ADIPOR2: variants seen among roughly 807,000 people sequenced by gnomAD.
The protein encoded by ADIPOR2 is adiponectin receptor 2.
A neutral mutation model predicts 40.9 loss-of-function variants in ADIPOR2; 18 were observed. The observed-to-expected ratio is 0.44, with a 90% CI of 0.30 to 0.65. The LOEUF is 0.65. ADIPOR2 is among the 30% of genes least tolerant of loss of function. The probability of loss-of-function intolerance (pLI) is 0.09; values close to 1 mark genes in which losing one functional copy is unlikely to be tolerated. For synonymous variants in ADIPOR2, 165 were observed against 166.4 expected, an observed-to-expected ratio of 0.99 and a Z score of 0.06; for missense variants, 283 against 479.2, an observed-to-expected ratio of 0.59 and a Z score of 3.82.
chr12:1,718,050 G>A (rs2094691094), intron 1 of ADIPOR2, among the ~76,000 whole-genome samples: 2 of 151,770 alleles, frequency 1.3e-5, no homozygotes, highest in South Asian at 2.1e-4. Flanking sequence ...TTCATTTACC[G>A]TAATAGCATC....
chr12:1,777,191 G>A (rs74471463), intron 3 of ADIPOR2, among the ~76,000 whole-genome samples: 2 of 129,272 alleles, frequency 1.5e-5, no homozygotes. Flanking sequence ...ACACCACAGG[G>A]ATTTATCAGA....
chr12:1,766,996 G>A (rs1862393360), intron 2 of ADIPOR2, among the ~76,000 whole-genome samples: 3 of 152,214 alleles, frequency 2.0e-5, no homozygotes. Flanking sequence ...GAGGCCGGGT[G>A]TGGTGGCTCA....
chr12:1,769,507 GATAA>G (rs1167309200), intron 2 of ADIPOR2, among the ~76,000 whole-genome samples: 1 of 152,198 alleles, frequency 6.6e-6, no homozygotes, highest in Non-Finnish European at 1.5e-5. Context: ...CATAGTACTT[GATAA>G]ATCAACAGAT....
chr12:1,727,491 TAATTA>T (rs1796086598), intron 1 of ADIPOR2, among the ~76,000 whole-genome samples: 1 of 152,186 alleles, frequency 6.6e-6, no homozygotes, highest in South Asian at 2.1e-4. Flanking sequence ...TATTCTTTAT[TAATTA>T]AAGACCTCTC....
intron 1 of ADIPOR2, among the ~76,000 whole-genome samples, chr12:1,709,877 G>C (rs1040986493): frequency 6.6e-6 from 1 of 152,164 alleles, no homozygotes; most frequent in Non-Finnish European, 1.5e-5. Context: ...TGTGTATACC[G>C]TCAGATGATT....
At chr12:1,700,970 A>T (rs1187042439) in intron 1 of ADIPOR2, among the ~76,000 whole-genome samples, 3 of 152,056 alleles carry the variant, frequency 2.0e-5, no homozygotes, top group Non-Finnish European at 2.9e-5. Flanking sequence ...TATAATTAAC[A>T]TTCATATATT....
At chr12:1,717,003 A>G (rs1243115030) in intron 1 of ADIPOR2, among the ~76,000 whole-genome samples, 1 of 152,258 alleles carries the variant, frequency 6.6e-6, no homozygotes, top group Non-Finnish European at 1.5e-5. Context: ...AGCAGGCAAT[A>G]GAAGTTAAGG....
At chr12:1,712,405 G>A (rs1049639991) in intron 1 of ADIPOR2, among the ~76,000 whole-genome samples, 1 of 152,100 alleles carries the variant, frequency 6.6e-6, no homozygotes, top group Non-Finnish European at 1.5e-5. Flanking sequence ...TCCAGACAGT[G>A]AGATCCTTTC....
chr12:1,712,733 A>C (rs1409547669), intron 1 of ADIPOR2, among the ~76,000 whole-genome samples: 3 of 152,042 alleles, frequency 2.0e-5, no homozygotes, highest in Non-Finnish European at 4.4e-5. Flanking sequence ...ATCTTGCTGT[A>C]TCCAGGGATC....
At chr12:1,713,822 A>G (rs915488281) in intron 1 of ADIPOR2, among the ~76,000 whole-genome samples, 3 of 152,004 alleles carry the variant, frequency 2.0e-5, no homozygotes, top group African/African-American at 4.8e-5. Context: ...GCTGTCCGGG[A>G]CAGGAGATTA....
chr12:1,772,463 C>A (rs961750398), intron 2 of ADIPOR2, among the ~76,000 whole-genome samples: 14 of 152,134 alleles, frequency 9.2e-5, no homozygotes, highest in Admixed American at 8.5e-4. Flanking sequence ...CATTGTGTAT[C>A]ACAGTTAGTT....
intron 1 of ADIPOR2, among the ~76,000 whole-genome samples, chr12:1,701,525 TCTG>T (rs943673532): frequency 6.6e-6 from 1 of 152,230 alleles, no homozygotes; most frequent in African/African-American, 2.4e-5. Context: ...AATGATATAT[TCTG>T]CTTATTCTAT....
At chr12:1,699,689 T>C (rs1238473541) in intron 1 of ADIPOR2, among the ~76,000 whole-genome samples, 2 of 152,166 alleles carry the variant, frequency 1.3e-5, no homozygotes, top group Admixed American at 1.3e-4. Context: ...AATTGTCACT[T>C]TGGCATATGT....
intron 1 of ADIPOR2, among the ~76,000 whole-genome samples, chr12:1,741,931 T>C (rs1352091758): frequency 6.6e-6 from 1 of 152,110 alleles, no homozygotes; most frequent in Non-Finnish European, 1.5e-5. Flanking sequence ...GTTAAGAGTG[T>C]CTTCTTGAAA....
chr12:1,709,093 C>T (rs1171887791), intron 1 of ADIPOR2, among the ~76,000 whole-genome samples: 1 of 152,094 alleles, frequency 6.6e-6, no homozygotes, highest in East Asian at 1.9e-4. Context: ...ACTCTAGATT[C>T]TTTGCATTTC....
intron 1 of ADIPOR2, among the ~76,000 whole-genome samples, chr12:1,707,838 A>G (rs1328989843): frequency 2.0e-5 from 3 of 152,156 alleles, no homozygotes; most frequent in Non-Finnish European, 4.4e-5. Flanking sequence ...GGCCATTTGT[A>G]TATCCTTTTA....
At position 1,747,704 on chromosome 12, in the gene ADIPOR2, GT is replaced by G. The variant is rs148335993; in HGVS notation, c.-86-6544del. ...TGCTAGATATAAGATTGGTTGACAG[GT>G]TTTTTTTTTCTTTTATTTGAACACT... On this transcript the variant is annotated intron_variant, in intron 1 of 7. Transcript: ENST00000357103. Among the ~76,000 whole-genome samples, 453 of 149,634 alleles carry G rather than the reference GT, an allele frequency of 3.0e-3. 10 individuals carry two copies. The highest frequency in any genetic ancestry group is 5.5e-3 in the Admixed American group (82 of 15,020).
chr12:1,776,237 G>C (rs1207896033), intron 3 of ADIPOR2, among the ~76,000 whole-genome samples: 1 of 152,224 alleles, frequency 6.6e-6, no homozygotes. Flanking sequence ...GGAAGTAAGA[G>C]AGCAGAGAAC....
At chr12:1,743,383 A>C (rs946181520) in intron 1 of ADIPOR2, among the ~76,000 whole-genome samples, 1 of 151,512 alleles carries the variant, frequency 6.6e-6, no homozygotes, top group Non-Finnish European at 1.5e-5. Flanking sequence ...AATAGTTTAA[A>C]TTCTCTAAAA....
Sources: allele counts gnomAD v4.1 joint callset (sites outside exome capture counted in the v4.1 genomes callset), GRCh38; gene constraint gnomAD v4.1.1; transcripts MANE v1.5; gene names NCBI Gene and HGNC (gene_info 2026-07-23, HGNC 2026-07-21).